KIFC3: variants seen among roughly 807,000 people sequenced by gnomAD.
KIFC3 encodes kinesin family member C3.
Under a neutral mutation model 101.8 loss-of-function variants are expected in KIFC3, and 60 were observed. The observed-to-expected ratio is 0.59, with a 90% CI of 0.48 to 0.73. The LOEUF (loss-of-function observed/expected upper bound fraction) is 0.73. Ranked by LOEUF, KIFC3 falls within the 30% of genes least tolerant of loss-of-function variation. The pLI is 0.00. For missense variants in KIFC3, 966 were observed against 1,137.1 expected (o/e 0.85, Z 2.16); for synonymous variants, 476 against 482.7 (o/e 0.99, Z 0.18).
At chr16:57,800,710 G>A (rs1274564428) in intron 1 of KIFC3, among the ~76,000 whole-genome samples, 4 of 152,202 alleles carry the variant, frequency 2.6e-5, no homozygotes, top group East Asian at 3.8e-4. Context: ...GAGGAAGGGC[G>A]TGTGCTAGAT....
At position 57,818,047 on chromosome 16, in the gene KIFC3, G is replaced by C. The variant is rs573099380; in HGVS notation, c.109-19765C>G. Among the ~76,000 whole-genome samples, 14 of 134,714 alleles carry C rather than the reference G, an allele frequency of 1.0e-4. 1 individual carries two copies. The South Asian group carries it at 3.3e-3, about 32-fold the overall frequency. The allele number at this position is 134,714 out of a possible 152,430, so 88.4% of individuals were successfully genotyped here. On this transcript the variant is annotated intron_variant, in intron 1 of 2. Coordinates refer to the KIFC3 transcript ENST00000563028. The stretch of plus-strand genomic sequence containing the variant: ...TTTTTTTTGTTCTTTTCTATGTTTT[G>C]AGACAGAGTCTCACTTTTTTGCCCA...
intron 1 of KIFC3, among the ~76,000 whole-genome samples, chr16:57,852,142 T>C (rs1237072037): frequency 6.6e-6 from 1 of 152,172 alleles, no homozygotes; most frequent in African/African-American, 2.4e-5. Context: ...ACTTTTATGT[T>C]AGAGACAAAC....
At chr16:57,761,207 G>A (rs1555597110) in intron 14 of KIFC3, 36 bp from the exon 15 acceptor site, 13 of 1,609,708 alleles carry the variant, frequency 8.1e-6, no homozygotes, top group Non-Finnish European at 1.0e-5. Flanking sequence ...GCACAGCGTT[G>A]AGAATGGGGT....
chr16:57,849,137 C>T (rs867789548), intron 1 of KIFC3, among the ~76,000 whole-genome samples: 1 of 152,316 alleles, frequency 6.6e-6, no homozygotes, highest in African/African-American at 2.4e-5. Flanking sequence ...AGGTTTATAT[C>T]TGTGGCTCTA....
At chr16:57,827,854 A>G (rs926931815) in intron 1 of KIFC3, among the ~76,000 whole-genome samples, 8 of 152,244 alleles carry the variant, frequency 5.3e-5, no homozygotes, top group African/African-American at 1.4e-4. Context: ...GTGTCCCAAG[A>G]AAAGAAAAAT....
intron 4 of KIFC3, 99 bp from the exon 5 acceptor site, chr16:57,771,785 G>A: frequency 7.2e-7 from 1 of 1,382,110 alleles, no homozygotes; most frequent in Non-Finnish European, 9.7e-7. Flanking sequence ...GGGAAGAGAG[G>A]AGAGGTGTGG....
rs141167626 is a variant in KIFC3 at position 57,785,736 on chromosome 16, C to T, written c.315+9263G>A. On this transcript the variant is annotated intron_variant, in intron 3 of 19. Transcript: ENST00000445690. The stretch of plus-strand genomic sequence containing the variant: ...CGCTGGCAGAGGAGGGGGTCCATCA[C>T]AGCAAGACAGACCACCAGGGATGAT... 602 of 941,892 alleles carry T rather than the reference C, an allele frequency of 6.4e-4. 3 individuals are homozygous for T. The African/African-American group carries it at 9.7e-3, about 15-fold the overall frequency. The allele number at this position is 941,892 out of a possible 1,614,324, so 58.3% of individuals were successfully genotyped here. A position where few individuals can be genotyped will look rare whatever the true frequency, so the allele number is the denominator to read the frequency against.
intron 3 of KIFC3, among the ~76,000 whole-genome samples, chr16:57,789,405 C>T (rs368586622): frequency 2.2e-4 from 33 of 152,330 alleles, no homozygotes; most frequent in African/African-American, 3.6e-4. Context: ...CGTCACCTGC[C>T]GCTCACACAG....
At chr16:57,788,628 C>G (rs1290726281) in intron 3 of KIFC3, 1 of 1,289,634 alleles carries the variant, frequency 7.8e-7, no homozygotes, top group Non-Finnish European at 1.0e-6. Flanking sequence ...CCGGGCCCGC[C>G]TGGGGGCCGG....
chr16:57,845,577 C>A (rs965297300), intron 1 of KIFC3, among the ~76,000 whole-genome samples: 31 of 152,148 alleles, frequency 2.0e-4, no homozygotes, highest in African/African-American at 7.5e-4. Context: ...CTCGGACATT[C>A]TTTCCCCAAA....
intron 1 of KIFC3, among the ~76,000 whole-genome samples, chr16:57,854,767 G>A (rs1020022483): frequency 6.6e-6 from 1 of 152,136 alleles, no homozygotes; most frequent in Non-Finnish European, 1.5e-5. Flanking sequence ...AGTGCCCTGG[G>A]TCATAAACCA....
At position 57,814,278 on chromosome 16, in the gene KIFC3, C is replaced by T. The variant is rs115352384; in HGVS notation, c.109-15996G>A. On this transcript the variant is annotated intron_variant, in intron 1 of 2. Coordinates refer to the KIFC3 transcript ENST00000563028. Reference sequence around the variant, plus strand: ...GGAAGCATCACCTCCTCCATGGGGACTCCTGATACCACCTAGTCAGAAGTT... The same window carrying T: ...GGAAGCATCACCTCCTCCATGGGGATTCCTGATACCACCTAGTCAGAAGTT... 9.3e-3 allele frequency among the ~76,000 whole-genome samples: 1,422 copies of T among 152,274 alleles called. 19 individuals are homozygous for T. Among genetic ancestry groups the T allele is most frequent in the African/African-American group, 0.033 (1,358 of 41,536 alleles).
At chr16:57,831,004 G>A (rs898862019) in intron 1 of KIFC3, among the ~76,000 whole-genome samples, 11 of 152,190 alleles carry the variant, frequency 7.2e-5, no homozygotes, top group African/African-American at 2.2e-4. Context: ...CTTCAATTAA[G>A]GCGTCACCAG....
At chr16:57,822,653 CACCA>C (rs2055376288) in intron 1 of KIFC3, among the ~76,000 whole-genome samples, 1 of 152,050 alleles carries the variant, frequency 6.6e-6, no homozygotes, top group Non-Finnish European at 1.5e-5. Context: ...GCCGAGATCA[CACCA>C]TTGCACTCCA....
In KIFC3 at chr16:57,770,620, C is replaced by T; in HGVS notation, c.846G>A (p.Leu282=). 6.5e-7 allele frequency: 1 copy of T among 1,548,706 alleles called. No individual in the cohort carries two copies. Residue 282 remains leucine, a synonymous_variant, in exon 7 of 20, where the codon CTG becomes CTA. Transcript: ENST00000445690. ...GCCTCTGCATAGCCACCTGCTCCTGCAGGTGCTGGTTCCGGGCCTGGGACT... is the reference window on the plus strand; with the variant it reads ...GCCTCTGCATAGCCACCTGCTCCTGTAGGTGCTGGTTCCGGGCCTGGGACT... ...LSESQARNQH[L]QEQVAMQRQV...
At chr16:57,813,014 T>A (rs1555628061) in intron 1 of KIFC3, among the ~76,000 whole-genome samples, 1 of 152,146 alleles carries the variant, frequency 6.6e-6, no homozygotes, top group Admixed American at 6.6e-5. Flanking sequence ...CTTGTACTGT[T>A]TAGGCAACTT....
chr16:57,835,206 C>T (rs1482648977), intron 1 of KIFC3, among the ~76,000 whole-genome samples: 1 of 152,140 alleles, frequency 6.6e-6, no homozygotes, highest in Non-Finnish European at 1.5e-5. Context: ...ACGATTTCAT[C>T]AGAAGGTTCT....
chr16:57,837,995 C>T (rs1464144325), intron 1 of KIFC3, among the ~76,000 whole-genome samples: 1 of 152,212 alleles, frequency 6.6e-6, no homozygotes, highest in Non-Finnish European at 1.5e-5. Flanking sequence ...TGAAGCCACA[C>T]TGGCTTGCTG....
At chr16:57,763,489 CTGA>C (rs1439835486) in intron 12 of KIFC3, among the ~76,000 whole-genome samples, 1 of 152,194 alleles carries the variant, frequency 6.6e-6, no homozygotes, top group Non-Finnish European at 1.5e-5. Flanking sequence ...TGGCCTCCTC[CTGA>C]CCTAGGGAAT....
Sources: gnomAD v4.1 joint callset for allele counts (sites outside exome capture counted in the v4.1 genomes callset) on GRCh38, gnomAD v4.1.1 for gene constraint, MANE v1.5 for transcripts, NCBI Gene and HGNC (gene_info 2026-07-23, HGNC 2026-07-21) for gene names.